Variants in CC2D2B observed in about 807,000 individuals in gnomAD.
The protein encoded by CC2D2B is coiled-coil and C2 domain containing 2B.
In CC2D2B, 128 loss-of-function variants were observed where a neutral mutation model predicts 161.2. That is an observed-to-expected ratio of 0.79 (90% confidence interval 0.69 to 0.92). The LOEUF (loss-of-function observed/expected upper bound fraction) is 0.92. Among genes scored for constraint, CC2D2B ranks in the 40% least tolerant of loss-of-function variants. The pLI is 0.00. For synonymous variants in CC2D2B, 391 were observed against 449.8 expected (o/e 0.87, Z 1.65); for missense variants, 1,173 against 1,375.1 (o/e 0.85, Z 2.32).
At chr10:95,972,375 G>A (rs985390805) in intron 16 of CC2D2B, among the ~76,000 whole-genome samples, 159 bp downstream of exon 16, 2 of 152,156 alleles carry the variant, frequency 1.3e-5, no homozygotes, top group African/African-American at 2.4e-5. Context: ...AGGATGAAGT[G>A]CAGTGGCTCG....
chr10:96,010,606 T>C (rs1044514552), intron 26 of CC2D2B, among the ~76,000 whole-genome samples: 1 of 152,072 alleles, frequency 6.6e-6, no homozygotes, highest in Non-Finnish European at 1.5e-5. Context: ...GAACATACAG[T>C]AGGGAGTACT....
intron 14 of CC2D2B, among the ~76,000 whole-genome samples, chr10:95,968,384 C>T (rs984528240): frequency 1.3e-5 from 2 of 152,138 alleles, no homozygotes; most frequent in Non-Finnish European, 2.9e-5. Flanking sequence ...CTCCCCATTC[C>T]CAAGCCCCTC....
chr10:95,946,889 G>C (rs761187482), intron 9 of CC2D2B, among the ~76,000 whole-genome samples: 1 of 151,696 alleles, frequency 6.6e-6, no homozygotes, highest in Admixed American at 6.6e-5. Context: ...GACTGATCCA[G>C]AGAGTGGGCT....
At chr10:95,972,429 C>T (rs2077168267) in intron 16 of CC2D2B, among the ~76,000 whole-genome samples, 1 of 152,078 alleles carries the variant, frequency 6.6e-6, no homozygotes, top group East Asian at 1.9e-4. Context: ...TCAAGCAATT[C>T]TCGTGCCTCC....
chr10:95,919,394 C>T (rs1468228353), intron 2 of CC2D2B: 4 of 152,222 alleles, frequency 2.6e-5, no homozygotes, highest in Non-Finnish European at 5.9e-5. Flanking sequence ...TGTAGAGGTA[C>T]TGCCTTGGTG....
chr10:95,996,605 T>C (rs1269900053), intron 24 of CC2D2B, among the ~76,000 whole-genome samples: 1 of 152,246 alleles, frequency 6.6e-6, no homozygotes, highest in East Asian at 1.9e-4. Flanking sequence ...AATTTGTGTT[T>C]ATCATTCTTT....
chr10:95,991,099 A>G (rs2077938015), intron 20 of CC2D2B, among the ~76,000 whole-genome samples: 1 of 152,246 alleles, frequency 6.6e-6, no homozygotes, highest in South Asian at 2.1e-4. Context: ...GATGAAAAAA[A>G]TAAGAGAGCA....
rs1476033041 is a variant in CC2D2B at position 95,928,242 on chromosome 10, AAACT to A, written c.336+911_336+914del. The stretch of plus-strand genomic sequence containing the variant: ...TGTTTTTTGCACAATTAAAAAAAAA[AAACT>A]CTTAAAATTTTGAACAAGTAAAACA... On this transcript the variant is annotated intron_variant, in intron 6 of 34. Transcript: ENST00000646931. Among the ~76,000 whole-genome samples, 13 of 152,198 alleles carry A rather than the reference AAACT, an allele frequency of 8.5e-5. No individual in the cohort carries two copies. The East Asian group carries it at 2.5e-3, about 29-fold the overall frequency.
At chr10:95,990,299 A>G (rs1221278475) in intron 20 of CC2D2B, among the ~76,000 whole-genome samples, 1 of 152,152 alleles carries the variant, frequency 6.6e-6, no homozygotes, top group African/African-American at 2.4e-5. Flanking sequence ...GCACAATTTT[A>G]AATAGAAGTG....
At chr10:95,933,326 CATGCT>C (rs1358177657) in intron 6 of CC2D2B, among the ~76,000 whole-genome samples, 1 of 152,044 alleles carries the variant, frequency 6.6e-6, no homozygotes, top group Non-Finnish European at 1.5e-5. Flanking sequence ...TAGGTTAGAA[CATGCT>C]CTTTTAGCTC....
At position 95,926,873 on chromosome 10, in the gene CC2D2B, T is replaced by TGTGC. The variant is rs397766895; in HGVS notation, c.241-363_241-362insTGCG. On this transcript the variant is annotated intron_variant, in intron 5 of 34. Transcript: ENST00000646931. ...CTGTGTGTGTGTGTGTGTGTGTGTGTGCGCGCGCCTGAACAGGACAGCACC... is the reference window on the plus strand; with the variant it reads ...CTGTGTGTGTGTGTGTGTGTGTGTGTGTGCGCGCGCGCCTGAACAGGACAGCACC... 3.5e-3 allele frequency among the ~76,000 whole-genome samples: 519 copies of TGTGC among 150,264 alleles called. 5 individuals are homozygous for TGTGC. The highest frequency in any genetic ancestry group is 5.3e-3 in the Non-Finnish European group (355 of 67,202).
At chr10:95,926,814 CAG>C (rs2098539340) in intron 5 of CC2D2B, among the ~76,000 whole-genome samples, 1 of 47,720 alleles carries the variant, frequency 2.1e-5, no homozygotes, top group Non-Finnish European at 4.2e-5. Context: ...GCTGAGGTGG[CAG>C]TGTGTGTGTG....
chr10:95,979,076 G>A (rs2077417400), intron 17 of CC2D2B, among the ~76,000 whole-genome samples: 1 of 151,776 alleles, frequency 6.6e-6, no homozygotes, highest in South Asian at 2.1e-4. Context: ...ATTTTTCTGA[G>A]CATGGCTTCT....
chr10:96,024,775 T>C (rs1394062507), intron 32 of CC2D2B, 78 bp from the exon 33 acceptor site: 5 of 805,290 alleles, frequency 6.2e-6, no homozygotes, highest in Non-Finnish European at 1.0e-5. Flanking sequence ...TCCTCCTTAT[T>C]ATAGCTGGCA....
chr10:95,947,000 G>C (rs545306546), intron 9 of CC2D2B, among the ~76,000 whole-genome samples: 1 of 147,172 alleles, frequency 6.8e-6, no homozygotes, highest in Non-Finnish European at 1.5e-5. Context: ...ACCAACCCTC[G>C]TAAATTGCAT....
intron 33 of CC2D2B, among the ~76,000 whole-genome samples, chr10:96,025,594 C>T (rs905959843): frequency 3.3e-5 from 5 of 152,106 alleles, no homozygotes; most frequent in Admixed American, 2.0e-4. Flanking sequence ...GTAAATGACC[C>T]GTGACTTGAC....
At chr10:96,028,066 T>C (rs887769487) in intron 34 of CC2D2B, among the ~76,000 whole-genome samples, 18 of 152,136 alleles carry the variant, frequency 1.2e-4, no homozygotes, top group African/African-American at 4.1e-4. Context: ...CTCCAGGACA[T>C]TGGTCTGAGC....
At chr10:96,019,054 A>G (rs986601684) in intron 30 of CC2D2B, 149 bp from the exon 31 acceptor site, 27 of 589,254 alleles carry the variant, frequency 4.6e-5, no homozygotes, top group African/African-American at 3.8e-4. Context: ...TGATCCTCCC[A>G]CCTCAGCCTC....
intron 18 of CC2D2B, among the ~76,000 whole-genome samples, chr10:95,982,870 C>T (rs1401822081): frequency 6.6e-6 from 1 of 152,156 alleles, no homozygotes; most frequent in East Asian, 1.9e-4. Context: ...CTCCCAGGTT[C>T]CGGCAATTCT....
Sources: allele counts gnomAD v4.1 joint callset (sites outside exome capture counted in the v4.1 genomes callset), GRCh38; gene constraint gnomAD v4.1.1; transcripts MANE v1.5; gene names NCBI Gene and HGNC (gene_info 2026-07-23, HGNC 2026-07-21).